The following AP3B1 variants were observed in gnomAD, a reference collection of about 807,000 sequenced individuals.
AP3B1 encodes adaptor related protein complex 3 subunit beta 1, also known as AP-3 complex subunit beta-1.
Under a neutral mutation model 132.5 loss-of-function variants are expected in AP3B1, and 61 were observed. The ratio of observed to expected loss-of-function variants is 0.46; its 90% CI spans 0.37 to 0.57. The LOEUF is 0.57. Among genes scored for constraint, AP3B1 ranks in the 20% least tolerant of loss-of-function variants. The pLI is 0.00. For missense variants in AP3B1, 1,120 were observed against 1,289.4 expected, an observed-to-expected ratio of 0.87 and a Z score of 2.01; for synonymous variants, 388 against 438.3, an observed-to-expected ratio of 0.89 and a Z score of 1.43.
At chr5:78,161,507 T>G (rs1743386420) in intron 13 of AP3B1, among the ~76,000 whole-genome samples, 1 of 152,026 alleles carries the variant, frequency 6.6e-6, no homozygotes, top group Non-Finnish European at 1.5e-5. Context: ...CAGGAAAATT[T>G]CTTTAAAACA....
At chr5:78,220,951 G>A (rs1365281361) in intron 6 of AP3B1, among the ~76,000 whole-genome samples, 1 of 152,030 alleles carries the variant, frequency 6.6e-6, no homozygotes, top group African/African-American at 2.4e-5. Flanking sequence ...CAGGAGGCTG[G>A]GACAGGAGGA....
rs1263684600 is a variant in AP3B1 at position 78,100,952 on chromosome 5, C to A, written c.2470+1G>T. 1 of 1,531,838 alleles carries A rather than the reference C, an allele frequency of 6.5e-7. No homozygotes were observed. The highest frequency in any genetic ancestry group is 1.7e-5 in the Admixed American group (1 of 58,688). The allele number at this position is 1,531,838 out of a possible 1,614,324, so 94.9% of individuals were successfully genotyped here. A position where few individuals can be genotyped will look rare whatever the true frequency, so the allele number is the denominator to read the frequency against. On this transcript the variant is annotated splice_donor_variant, in intron 21 of 26. Transcript: ENST00000255194. LOFTEE classifies it high-confidence loss of function. ...GAAATATTTTAAATTACAATACTTA[C>A]AATCATCCAGATCTAGAAGTGAAAC... is the stretch of plus-strand genomic sequence containing the variant.
At chr5:78,084,663 T>C (rs1039719184) in intron 22 of AP3B1, among the ~76,000 whole-genome samples, 1 of 151,988 alleles carries the variant, frequency 6.6e-6, no homozygotes, top group African/African-American at 2.4e-5. Flanking sequence ...CAAGTATTGC[T>C]TTTTGGGTAA....
chr5:78,090,981 C>G (rs1225161624), intron 21 of AP3B1, among the ~76,000 whole-genome samples: 1 of 149,716 alleles, frequency 6.7e-6, no homozygotes. Context: ...GAGATGGGAT[C>G]TCCCCATGTT....
chr5:78,265,321 T>C (rs1457773933), intron 2 of AP3B1, among the ~76,000 whole-genome samples: 2 of 152,126 alleles, frequency 1.3e-5, no homozygotes, highest in African/African-American at 2.4e-5. Flanking sequence ...TACACATCTG[T>C]AGTCCCTGCT....
intron 13 of AP3B1, among the ~76,000 whole-genome samples, chr5:78,158,026 G>A (rs914435041): frequency 1.3e-5 from 2 of 152,142 alleles, no homozygotes; most frequent in Non-Finnish European, 2.9e-5. Context: ...TGGGATTACC[G>A]GTGTGAGCCA....
intron 17 of AP3B1, among the ~76,000 whole-genome samples, chr5:78,121,508 G>A (rs950711835): frequency 7.2e-5 from 11 of 152,130 alleles, no homozygotes; most frequent in South Asian, 6.2e-4. Flanking sequence ...AATGATAAAA[G>A]GGATATCACC....
rs866438986 is a variant in AP3B1, at chr5:78,262,634, C to T, written c.204+4886G>A. Among the ~76,000 whole-genome samples the T allele has an allele frequency of 1.3e-4, 20 of 151,476 alleles. No individual in the cohort carries two copies. The Middle Eastern group carries it at 0.01, about 79-fold the overall frequency. On this transcript the variant is annotated intron_variant, in intron 2 of 26. Coordinates refer to ENST00000255194, the MANE Select transcript of AP3B1 (RefSeq NM_003664.5). The stretch of plus-strand genomic sequence containing the variant: ...GTACCACAATGTCTTCACTACTATG[C>T]TTTGTCATAGGTTTTGAAATCAGGA...
At chr5:78,178,871 G>C (rs1335066436) in intron 8 of AP3B1, among the ~76,000 whole-genome samples, 1 of 152,004 alleles carries the variant, frequency 6.6e-6, no homozygotes, top group Non-Finnish European at 1.5e-5. Context: ...ATACAGCACA[G>C]AAGAATGTTT....
chr5:78,063,156 T>A (rs1396650197), intron 22 of AP3B1, among the ~76,000 whole-genome samples: 1 of 152,150 alleles, frequency 6.6e-6, no homozygotes, highest in Non-Finnish European at 1.5e-5. Flanking sequence ...CACTATCAAT[T>A]TTCCTCAGGT....
rs139360937 is a variant in AP3B1 at position 78,102,895 on chromosome 5, T to C, written c.2398-1870A>G. Among the ~76,000 whole-genome samples, 22 of 152,240 alleles carry C rather than the reference T, an allele frequency of 1.4e-4. 1 individual carries two copies. Among genetic ancestry groups the C allele is most frequent in the Admixed American group, 1.4e-3 (21 of 15,290 alleles). ...TATTAAATACATATCAGGTCACATA[T>C]AACACAGAACAGAGCTGCATGTGAA... On this transcript the variant is annotated intron_variant, in intron 20 of 26. Coordinates refer to ENST00000255194, the MANE Select transcript of AP3B1 (RefSeq NM_003664.5).
At chr5:78,020,004 T>G (rs1305428771) in intron 25 of AP3B1, among the ~76,000 whole-genome samples, 1 of 152,088 alleles carries the variant, frequency 6.6e-6, no homozygotes, top group Non-Finnish European at 1.5e-5. Flanking sequence ...ACACATAAAA[T>G]CAGACAGTTA....
At chr5:78,048,066 C>A (rs989229741) in intron 22 of AP3B1, among the ~76,000 whole-genome samples, 1 of 152,186 alleles carries the variant, frequency 6.6e-6, no homozygotes, top group African/African-American at 2.4e-5. Flanking sequence ...TTGGAATCTG[C>A]GCAATGGTGC....
In AP3B1 at chr5:78,193,958, G is replaced by A. The variant is rs181687896; in HGVS notation, c.787-12296C>T. ...AATTTTTTGTATTTTTAGTAGAGAC[G>A]GGGTTTCACCGTGTTAGCCAGGATG... is the stretch of plus-strand genomic sequence containing the variant. On this transcript the variant is annotated intron_variant, in intron 7 of 26. Coordinates refer to ENST00000255194, the MANE Select transcript of AP3B1 (RefSeq NM_003664.5). Among the ~76,000 whole-genome samples, 728 of 151,150 alleles carry A rather than the reference G, an allele frequency of 4.8e-3. 5 individuals carry two copies. The highest frequency in any genetic ancestry group is 0.022 in the South Asian group (105 of 4,780).
intron 3 of AP3B1, among the ~76,000 whole-genome samples, chr5:78,232,600 TA>T (rs1434710992): frequency 1.3e-5 from 2 of 152,246 alleles, no homozygotes; most frequent in African/African-American, 4.8e-5. Flanking sequence ...CTTGCTATAG[TA>T]AGCAATAAAT....
chr5:78,055,016 GACACACACACACACACAC>G (rs3050076), intron 22 of AP3B1, among the ~76,000 whole-genome samples: 10 of 144,768 alleles, frequency 6.9e-5, no homozygotes, highest in South Asian at 2.3e-4. Context: ...CAGACCTACA[GACACACACACACACACAC>G]ACACACACAC....
intron 3 of AP3B1, among the ~76,000 whole-genome samples, chr5:78,230,667 C>G (rs1023647289): frequency 2.1e-5 from 3 of 141,648 alleles, no homozygotes; most frequent in Non-Finnish European, 3.1e-5. Flanking sequence ...CCAAGTTCCA[C>G]TTCCCCAAGT....
intron 2 of AP3B1, among the ~76,000 whole-genome samples, chr5:78,249,083 G>A (rs1018036312): frequency 1.8e-4 from 27 of 152,080 alleles, no homozygotes; most frequent in African/African-American, 6.0e-4. Context: ...GGCTGGGCAC[G>A]GTGGCTCATG....
chr5:78,224,907 T>C (rs1746341692), intron 6 of AP3B1, among the ~76,000 whole-genome samples: 1 of 152,040 alleles, frequency 6.6e-6, no homozygotes, highest in Non-Finnish European at 1.5e-5. Flanking sequence ...ATAGAACAAG[T>C]AGGCATAAGA....
Sources: allele counts gnomAD v4.1 joint callset (sites outside exome capture counted in the v4.1 genomes callset), GRCh38; gene constraint gnomAD v4.1.1; transcripts MANE v1.5; gene names NCBI Gene and HGNC (gene_info 2026-07-23, HGNC 2026-07-21).